The following OPCML variants were observed in gnomAD, a reference collection of about 807,000 sequenced individuals.
OPCML encodes opioid-binding protein/cell adhesion molecule.
In OPCML, 13 loss-of-function variants were observed where a neutral mutation model predicts 37.8. The ratio of observed to expected loss-of-function variants is 0.34; its 90% CI spans 0.22 to 0.55. OPCML has a LOEUF of 0.55. Ranked by LOEUF, OPCML falls within the 20% of genes least tolerant of loss-of-function variation. The probability of loss-of-function intolerance (pLI) is 0.91; values close to 1 mark genes in which losing one functional copy is unlikely to be tolerated. For missense variants in OPCML, 341 were observed against 435.6 expected (o/e 0.78, Z 1.93); for synonymous variants, 176 against 168.8 (o/e 1.04, Z -0.33).
chr11:132,673,513 T>G (rs77377168), intron 2 of OPCML, among the ~76,000 whole-genome samples: 4,985 of 152,116 alleles, frequency 0.033, 241 homozygotes, highest in African/African-American at 0.1. Flanking sequence ...CCAAGAGACA[T>G]TATTGAGCTC....
chr11:132,794,189 G>C (rs1038292833), intron 2 of OPCML, among the ~76,000 whole-genome samples: 7 of 152,206 alleles, frequency 4.6e-5, no homozygotes, highest in African/African-American at 1.7e-4. Context: ...ATGGGAGCTA[G>C]AGTCGAGTTA....
intron 7 of OPCML, among the ~76,000 whole-genome samples, chr11:132,422,599 T>A (rs1244783426): frequency 1.3e-5 from 2 of 152,230 alleles, no homozygotes; most frequent in African/African-American, 4.8e-5. Flanking sequence ...GCAAGCACGA[T>A]TCTAAATGCT....
chr11:133,247,656 T>C (rs1448576621), intron 1 of OPCML, among the ~76,000 whole-genome samples: 1 of 151,404 alleles, frequency 6.6e-6, no homozygotes, highest in Non-Finnish European at 1.5e-5. Context: ...CAGGCTAGAG[T>C]GCAGTGGTGT....
chr11:132,883,495 G>A (rs1943294725), intron 2 of OPCML, among the ~76,000 whole-genome samples: 1 of 152,168 alleles, frequency 6.6e-6, no homozygotes, highest in South Asian at 2.1e-4. Flanking sequence ...AGCTCAGTGA[G>A]GTTGGTTCCA....
chr11:132,952,344 AC>A (rs1314201510), intron 1 of OPCML, among the ~76,000 whole-genome samples: 1 of 152,184 alleles, frequency 6.6e-6, no homozygotes, highest in African/African-American at 2.4e-5. Context: ...ATTACATACC[AC>A]AGAACACAAC....
At chr11:133,242,180 A>C (rs1940755877) in intron 1 of OPCML, among the ~76,000 whole-genome samples, 1 of 152,140 alleles carries the variant, frequency 6.6e-6, no homozygotes, top group South Asian at 2.1e-4. Context: ...GGGTCCCTTC[A>C]CACACATTTT....
intron 2 of OPCML, among the ~76,000 whole-genome samples, chr11:132,724,420 C>G (rs531093): frequency 6.6e-6 from 1 of 151,958 alleles, no homozygotes; most frequent in South Asian, 2.1e-4. Context: ...TTCACAATCA[C>G]GAGAACAGCA....
At chr11:132,818,675 T>C (rs955691236) in intron 2 of OPCML, among the ~76,000 whole-genome samples, 10 of 134,802 alleles carry the variant, frequency 7.4e-5, no homozygotes, top group Non-Finnish European at 1.6e-4. Flanking sequence ...GATTATATTA[T>C]ATATAAAATC....
chr11:132,823,396 T>C (rs751600823), intron 2 of OPCML, among the ~76,000 whole-genome samples: 4 of 152,176 alleles, frequency 2.6e-5, no homozygotes, highest in Non-Finnish European at 5.9e-5. Flanking sequence ...CTAAAAAAGT[T>C]GATGTCTCTC....
At chr11:133,143,921 G>A (rs1949861002) in intron 1 of OPCML, among the ~76,000 whole-genome samples, 1 of 152,228 alleles carries the variant, frequency 6.6e-6, no homozygotes, top group Admixed American at 6.5e-5. Flanking sequence ...GAGATGGAAG[G>A]TGGAGGGCTC....
intron 1 of OPCML, among the ~76,000 whole-genome samples, chr11:133,012,309 C>T (rs1947234291): frequency 6.6e-6 from 1 of 152,136 alleles, no homozygotes; most frequent in Non-Finnish European, 1.5e-5. Context: ...ATTATTTGTG[C>T]TTATCCAAGG....
At chr11:133,095,620 T>C (rs1229884626) in intron 1 of OPCML, among the ~76,000 whole-genome samples, 1 of 146,558 alleles carries the variant, frequency 6.8e-6, no homozygotes, top group Non-Finnish European at 1.5e-5. Context: ...TTGGAACTAC[T>C]GATACAGTAG....
At chr11:133,399,906 C>A (rs1465132016) in intron 1 of OPCML, among the ~76,000 whole-genome samples, 1 of 150,484 alleles carries the variant, frequency 6.6e-6, no homozygotes, top group Non-Finnish European at 1.5e-5. Context: ...TGCTTTTATG[C>A]ATCTATCTAC....
At chr11:132,745,579 AAAAAGAAAG>A (rs1423301577) in intron 2 of OPCML, among the ~76,000 whole-genome samples, 2 of 120,192 alleles carry the variant, frequency 1.7e-5, no homozygotes, top group African/African-American at 7.1e-5. Flanking sequence ...AAAAAAAAAA[AAAAAGAAAG>A]AAAGAAAGAA....
Position 133,222,156 on chromosome 11 carries a change from G to A in OPCML, c.62-279146C>T, listed in dbSNP as rs533278770. Among the ~76,000 whole-genome samples the A allele has an allele frequency of 2.6e-5, 4 of 152,286 alleles. No individual in the cohort carries two copies. The South Asian group carries it at 8.3e-4, about 32-fold the overall frequency. On this transcript the variant is annotated intron_variant, in intron 1 of 7. Coordinates refer to ENST00000524381, the MANE Select transcript of OPCML (RefSeq NM_001012393.5). Reference sequence around the variant, plus strand: ...TGCTGGGTTGTGGATGGGCAGGGCTGTAGAGACCAGACAGGGAAGAAGATG... The same window carrying A: ...TGCTGGGTTGTGGATGGGCAGGGCTATAGAGACCAGACAGGGAAGAAGATG...
chr11:133,230,211 A>G (rs572544048), intron 1 of OPCML, among the ~76,000 whole-genome samples: 2 of 152,180 alleles, frequency 1.3e-5, no homozygotes, highest in Non-Finnish European at 2.9e-5. Flanking sequence ...ATTTGTGTGG[A>G]AACACCACTC....
intron 3 of OPCML, among the ~76,000 whole-genome samples, chr11:132,646,887 G>C (rs1941177345): frequency 6.6e-6 from 1 of 152,152 alleles, no homozygotes; most frequent in African/African-American, 2.4e-5. Flanking sequence ...TGGAAATTTA[G>C]ATTTAGGAGC....
At chr11:133,286,168 T>C (rs1019480749) in intron 1 of OPCML, among the ~76,000 whole-genome samples, 1 of 152,066 alleles carries the variant, frequency 6.6e-6, no homozygotes, top group East Asian at 1.9e-4. Context: ...AGTATTCACC[T>C]TGCTGGGCGC....
intron 7 of OPCML, chr11:132,435,159 C>T (rs1169083806): frequency 7.8e-7 from 1 of 1,287,426 alleles, no homozygotes; most frequent in South Asian, 1.2e-5. Context: ...CTGTACCCAC[C>T]TGCCACTGCT....
Sources: allele counts gnomAD v4.1 joint callset (sites outside exome capture counted in the v4.1 genomes callset), GRCh38; gene constraint gnomAD v4.1.1; transcripts MANE v1.5; gene names NCBI Gene and HGNC (gene_info 2026-07-23, HGNC 2026-07-21).